Variants in SPIDR observed in about 807,000 individuals in gnomAD.
SPIDR encodes the protein scaffold protein involved in DNA repair.
A neutral mutation model predicts 104.6 loss-of-function variants in SPIDR; 93 were observed. The ratio of observed to expected loss-of-function variants is 0.89; its 90% CI spans 0.75 to 1.06. The LOEUF (loss-of-function observed/expected upper bound fraction) is 1.06, where lower values mean the gene tolerates loss of function less well. Ranked by LOEUF, SPIDR falls within the 50% of genes least tolerant of loss-of-function variation. SPIDR has a pLI of 0.00. For missense variants in SPIDR, 1,154 were observed against 1,111.2 expected (o/e 1.04, Z -0.55); for synonymous variants, 431 against 416.9 (o/e 1.03, Z -0.41).
At chr8:47,688,610 C>T (rs2078177114) in intron 11 of SPIDR, 1 of 152,212 alleles carries the variant, frequency 6.6e-6, no homozygotes, top group African/African-American at 2.4e-5. Context: ...ATGCATTTAC[C>T]ATAGTCTCTT....
chr8:47,678,075 TA>T (rs1240495232), intron 11 of SPIDR, among the ~76,000 whole-genome samples: 16 of 152,092 alleles, frequency 1.1e-4, no homozygotes, highest in Admixed American at 6.6e-5. Context: ...TTCTCTCACT[TA>T]TTCAGTAAAT....
intron 8 of SPIDR, among the ~76,000 whole-genome samples, chr8:47,535,668 C>G (rs1384663568): frequency 6.6e-6 from 1 of 151,990 alleles, no homozygotes; most frequent in African/African-American, 2.4e-5. Context: ...TCGACAAAAT[C>G]CAACACCCAT....
In SPIDR at chr8:47,284,200, G is replaced by A. The variant is rs2038361359; in HGVS notation, c.256+106G>A. On this transcript the variant is annotated intron_variant, in intron 3 of 19. Coordinates refer to ENST00000297423, the MANE Select transcript of SPIDR (RefSeq NM_001080394.4). Reference sequence around the variant, plus strand: ...TTAAAAAAGTGACATGGTTTGGGTAGACTATATTCATAGTTAAAAAACATC... The same window carrying A: ...TTAAAAAAGTGACATGGTTTGGGTAAACTATATTCATAGTTAAAAAACATC... 6 of 804,100 alleles carry A rather than the reference G, an allele frequency of 7.5e-6. No individual in the cohort carries two copies. In the Admixed American group the frequency reaches 1.2e-4, roughly 16 times the overall value. 49.8% of individuals were successfully genotyped at this position (804,100 alleles called of 1,614,324 possible).
At chr8:47,603,055 A>G (rs1457348388) in intron 10 of SPIDR, among the ~76,000 whole-genome samples, 1 of 152,234 alleles carries the variant, frequency 6.6e-6, no homozygotes, top group East Asian at 1.9e-4. Flanking sequence ...CCCTAACCAC[A>G]GGGTAGGCAG....
chr8:47,489,237 G>T (rs2078241259), intron 8 of SPIDR, among the ~76,000 whole-genome samples: 1 of 152,186 alleles, frequency 6.6e-6, no homozygotes, highest in African/African-American at 2.4e-5. Context: ...AATCATGAGT[G>T]AACTCCCATT....
At chr8:47,449,447 G>A (rs534996714) in intron 8 of SPIDR, among the ~76,000 whole-genome samples, 7 of 152,244 alleles carry the variant, frequency 4.6e-5, no homozygotes, top group African/African-American at 1.7e-4. Context: ...GGACAGAGGT[G>A]GAGCCCATGG....
chr8:47,278,199 A>C (rs1008950030), intron 1 of SPIDR, among the ~76,000 whole-genome samples: 38 of 150,484 alleles, frequency 2.5e-4, no homozygotes, highest in Admixed American at 1.4e-3. Context: ...TCACTCTGCC[A>C]CTGAGGCTGG....
intron 18 of SPIDR, 50 bp from the exon 19 acceptor site, chr8:47,729,362 A>T (rs1170811911): frequency 1.9e-6 from 3 of 1,555,964 alleles, no homozygotes; most frequent in African/African-American, 1.4e-5. Flanking sequence ...TAACTTGAGC[A>T]CTTACTGTGT....
At chr8:47,447,482 G>T (rs1358143767) in intron 8 of SPIDR, among the ~76,000 whole-genome samples, 2 of 152,168 alleles carry the variant, frequency 1.3e-5, no homozygotes, top group African/African-American at 4.8e-5. Context: ...CCAAAGTGCT[G>T]GGACTACAGG....
In SPIDR at chr8:47,291,067, A is replaced by G; in HGVS notation, c.291A>G (p.Thr97=). 1.2e-6 allele frequency: 2 copies of G among 1,613,262 alleles called. No homozygotes were observed. The highest frequency in any genetic ancestry group is 1.3e-5 in the African/African-American group (1 of 75,054). ...TTTSKSTSGL[T]DITWSSSGSD... ...CATCTAAAAGCACCAGTGGGCTTAC[A>G]GACATAACATGGAGCTCCAGTGGAA... The change falls in exon 4 of 20, where the codon ACA becomes ACG. Residue 97 remains threonine, a synonymous_variant. Coordinates refer to ENST00000297423, the MANE Select transcript of SPIDR (RefSeq NM_001080394.4).
intron 8 of SPIDR, among the ~76,000 whole-genome samples, chr8:47,550,819 G>A (rs957960096): frequency 6.6e-6 from 1 of 152,168 alleles, no homozygotes; most frequent in East Asian, 1.9e-4. Flanking sequence ...AATAGAAGTC[G>A]TGAAGGAGGG....
At chr8:47,607,586 A>G (rs1044936701) in intron 10 of SPIDR, among the ~76,000 whole-genome samples, 10 of 151,318 alleles carry the variant, frequency 6.6e-5, no homozygotes, top group African/African-American at 2.4e-4. Flanking sequence ...TTTCTTTTGA[A>G]AAGGTAGTCA....
chr8:47,554,809 C>T (rs1230880265), intron 8 of SPIDR, among the ~76,000 whole-genome samples: 1 of 152,228 alleles, frequency 6.6e-6, no homozygotes, highest in East Asian at 1.9e-4. Flanking sequence ...ATGCAGAAAT[C>T]ACCTGTCTTC....
In SPIDR at chr8:47,335,522, C is replaced by T. The variant is rs530522627; in HGVS notation, c.525+41492C>T. Among the ~76,000 whole-genome samples the T allele has an allele frequency of 5.9e-5, 9 of 152,334 alleles. No homozygotes were observed. The South Asian group carries it at 8.3e-4, about 14-fold the overall frequency. ...CTGGAGTGCAGTGGTGCAATCTCAG[C>T]TTACTGCAACCTCCACCTCCCAGGT... On this transcript the variant is annotated intron_variant, in intron 5 of 19. Transcript: ENST00000297423.
intron 5 of SPIDR, among the ~76,000 whole-genome samples, chr8:47,373,022 G>C (rs1328102974): frequency 6.6e-6 from 1 of 152,112 alleles, no homozygotes; most frequent in African/African-American, 2.4e-5. Context: ...GGATCTCCAA[G>C]AATGTATTTC....
At chr8:47,346,464 C>T (rs541008577) in intron 5 of SPIDR, among the ~76,000 whole-genome samples, 5 of 152,084 alleles carry the variant, frequency 3.3e-5, no homozygotes, top group Non-Finnish European at 7.4e-5. Context: ...TTTGGTATCA[C>T]GATGATGCTG....
At chr8:47,546,943 C>T in intron 8 of SPIDR, 1 of 480,034 alleles carries the variant, frequency 2.1e-6, no homozygotes, top group Non-Finnish European at 4.1e-6. Context: ...GGTGGCAAAG[C>T]TGTTCCATTG....
chr8:47,603,598 C>G (rs983948530), intron 10 of SPIDR, among the ~76,000 whole-genome samples: 1 of 149,200 alleles, frequency 6.7e-6, no homozygotes, highest in Non-Finnish European at 1.5e-5. Flanking sequence ...GGGTCTCACT[C>G]TGTTGCCCAG....
At chr8:47,444,507 C>A (rs1282387494) in intron 8 of SPIDR, among the ~76,000 whole-genome samples, 1 of 152,188 alleles carries the variant, frequency 6.6e-6, no homozygotes, top group Non-Finnish European at 1.5e-5. Context: ...TCGGTCCATT[C>A]ATATCGTCAT....
Sources: gnomAD v4.1 joint callset for allele counts (sites outside exome capture counted in the v4.1 genomes callset) on GRCh38, gnomAD v4.1.1 for gene constraint, MANE v1.5 for transcripts, NCBI Gene and HGNC (gene_info 2026-07-23, HGNC 2026-07-21) for gene names.